Variants in STAT4 observed in about 807,000 individuals in gnomAD.
STAT4 encodes the protein signal transducer and activator of transcription 4.
STAT4 carries 42 observed loss-of-function variants against 110.5 expected under a neutral mutation model. The observed-to-expected ratio is 0.38, with a 90% CI of 0.30 to 0.49. STAT4 has a LOEUF of 0.49. STAT4 is among the 20% of genes least tolerant of loss of function. The probability of loss-of-function intolerance (pLI) is 0.95; values close to 1 mark genes in which losing one functional copy is unlikely to be tolerated. For synonymous variants in STAT4, 284 were observed against 302.2 expected (o/e 0.94, Z 0.63); for missense variants, 632 against 887.9 (o/e 0.71, Z 3.66).
At position 191,146,861 on chromosome 2, in the gene STAT4, G is replaced by A; in HGVS notation, c.129-104C>T. ...CAATAAACCTATTACATGGTGATAAGCATTTAAAAGTTTTAAAAAATTAAA... is the reference window on the plus strand; with the variant it reads ...CAATAAACCTATTACATGGTGATAAACATTTAAAAGTTTTAAAAAATTAAA... On this transcript the variant is annotated intron_variant, in intron 2 of 23. Transcript: ENST00000392320. The surrounding 1 kb of genome is among the most constrained non-coding windows in gnomAD (Gnocchi z 4.5). 1.8e-6 allele frequency: 2 copies of A among 1,106,968 alleles called. No individual in the cohort carries two copies. The highest frequency in any genetic ancestry group is 2.4e-6 in the Non-Finnish European group (2 of 843,216). 68.6% of individuals were successfully genotyped at this position (1,106,968 alleles called of 1,614,324 possible). A position where few individuals can be genotyped will look rare whatever the true frequency, so the allele number is the denominator to read the frequency against.
rs1438742952 is a variant in STAT4, at chr2:191,033,806, T to C, written c.1715+105A>G. 6.0e-6 allele frequency: 8 copies of C among 1,337,334 alleles called. No homozygotes were observed. The highest frequency in any genetic ancestry group is 8.2e-6 in the Non-Finnish European group (8 of 973,968). The allele number at this position is 1,337,334 out of a possible 1,614,324, so 82.8% of individuals were successfully genotyped here. ...GAATAAGAAATTGCAACTATTTTTTTCTGTGGTACTAAACATGCTTAAGAG... is the reference window on the plus strand; with the variant it reads ...GAATAAGAAATTGCAACTATTTTTTCCTGTGGTACTAAACATGCTTAAGAG... On this transcript the variant is annotated intron_variant, in intron 19 of 23. Coordinates refer to ENST00000392320, the MANE Select transcript of STAT4 (RefSeq NM_003151.4). The surrounding 1 kb of genome is among the most constrained non-coding windows in gnomAD (Gnocchi z 6.9).
intron 13 of STAT4, among the ~76,000 whole-genome samples, chr2:191,055,777 A>G (rs1167101754): frequency 6.6e-6 from 1 of 152,242 alleles, no homozygotes; most frequent in East Asian, 1.9e-4. Flanking sequence ...GTTATTTTAT[A>G]TATTGTACCT....
rs141305852 is a variant in STAT4 at position 191,116,215 on chromosome 2, T to G, written c.273+30398A>C. On this transcript the variant is annotated intron_variant, in intron 3 of 23. Transcript: ENST00000392320. The surrounding 1 kb of genome is among the most constrained non-coding windows in gnomAD (Gnocchi z 4.1). ...CACATATGTACCCTTTGTTCACTGATGCTGACAAGAGGGAATTGGTTTGAT... is the reference window on the plus strand; with the variant it reads ...CACATATGTACCCTTTGTTCACTGAGGCTGACAAGAGGGAATTGGTTTGAT... Among the ~76,000 whole-genome samples, 1 of 152,336 alleles carries G rather than the reference T, an allele frequency of 6.6e-6. No individual in the cohort carries two copies. Among genetic ancestry groups the G allele is most frequent in the Non-Finnish European group, 1.5e-5 (1 of 68,024 alleles).
chr2:191,056,574 C>T (rs1696701902), intron 13 of STAT4, among the ~76,000 whole-genome samples: 1 of 151,724 alleles, frequency 6.6e-6, no homozygotes, highest in Non-Finnish European at 1.5e-5. Flanking sequence ...TGTGTGTGTG[C>T]CTTTGTACTT....
At position 191,104,629 on chromosome 2, in the gene STAT4, C is replaced by A. The variant is rs938454869; in HGVS notation, c.274-28304G>T. Among the ~76,000 whole-genome samples the A allele has an allele frequency of 6.6e-6, 1 of 152,108 alleles. No homozygotes were observed. The highest frequency in any genetic ancestry group is 1.5e-5 in the Non-Finnish European group (1 of 68,014). On this transcript the variant is annotated intron_variant, in intron 3 of 23. Coordinates refer to ENST00000392320, the MANE Select transcript of STAT4 (RefSeq NM_003151.4). The surrounding 1 kb of genome is among the most constrained non-coding windows in gnomAD (Gnocchi z 4.3). ...TATATATTAAACAAAGGTCCATAAC[C>A]ACCATACACATCATCATCATTTTAT...
chr2:191,114,809 G>A (rs1204532665), intron 3 of STAT4, among the ~76,000 whole-genome samples: 1 of 152,262 alleles, frequency 6.6e-6, no homozygotes, highest in East Asian at 1.9e-4. Flanking sequence ...CGTTGAAGAG[G>A]ATGGAGTTCT....
intron 13 of STAT4, among the ~76,000 whole-genome samples, chr2:191,055,162 G>C (rs1001106463): frequency 6.6e-6 from 1 of 151,862 alleles, no homozygotes; most frequent in Non-Finnish European, 1.5e-5. Flanking sequence ...GCGTTGCAAA[G>C]TGGTGGAATT....
chr2:191,073,116 G>A lies in STAT4; in HGVS notation c.447C>T (p.Ala149=). 1 of 1,613,944 alleles carries A rather than the reference G, an allele frequency of 6.2e-7. No individual in the cohort carries two copies. The highest frequency in any genetic ancestry group is 8.5e-7 in the Non-Finnish European group (1 of 1,179,912). Residue 149 remains alanine (A), a synonymous_variant, in exon 5 of 24, where the codon GCC becomes GCT. Transcript: ENST00000392320. ...CACTTACCTGCACACTGTTTTTAAT[G>A]GCAGCCACTTTGTGCTCCACATTCC... is the stretch of plus-strand genomic sequence containing the variant. ...RQRNVEHKVA[A]IKNSVQMTEQ... is the part of the protein sequence containing the mutation.
At position 191,118,902 on chromosome 2, in the gene STAT4, G is replaced by A. The variant is rs773806879; in HGVS notation, c.273+27711C>T. Among the ~76,000 whole-genome samples the A allele has an allele frequency of 2.0e-5, 3 of 152,270 alleles. No individual in the cohort carries two copies. In the East Asian group the frequency reaches 5.8e-4, roughly 29 times the overall value. On this transcript the variant is annotated intron_variant, in intron 3 of 23. Coordinates refer to ENST00000392320, the MANE Select transcript of STAT4 (RefSeq NM_003151.4). The stretch of plus-strand genomic sequence containing the variant: ...GCTTCTCACGGAGCTGGAAGTAAAT[G>A]TGCATGCCACCACGCCTGGCTAAGT...
intron 3 of STAT4, among the ~76,000 whole-genome samples, chr2:191,111,852 C>A (rs1038854541): frequency 1.3e-5 from 2 of 152,002 alleles, no homozygotes; most frequent in East Asian, 1.9e-4. Context: ...AGGGAAAGAC[C>A]CTATCTGTTA....
Position 191,148,141 on chromosome 2 carries a change from G to A in STAT4, c.63C>T (p.Phe21=), listed in dbSNP as rs1418758324. The A allele has an allele frequency of 3.1e-6, 5 of 1,613,826 alleles. No individual in the cohort carries two copies. The African/African-American group carries it at 5.3e-5, about 17-fold the overall frequency. ...EIKFLEQVDQ[F]YDDNFPMEIR... ...TTTCCATGGGAAAGTTGTCATCATA[G>A]AATTGATCCACCTGCTCCAAAAACT... is the stretch of plus-strand genomic sequence containing the variant. Residue 21 remains phenylalanine (F), a synonymous_variant, in exon 2 of 24, where the codon TTC becomes TTT. Transcript: ENST00000392320.
rs1472169126 is a variant in STAT4, at chr2:191,117,407, A to C, written c.273+29206T>G. 1.3e-5 allele frequency among the ~76,000 whole-genome samples: 2 copies of C among 152,224 alleles called. No individual in the cohort carries two copies. The highest frequency in any genetic ancestry group is 2.9e-5 in the Non-Finnish European group (2 of 68,036). ...ATTTATTGCATGATTATCTTCCAGA[A>C]CATCCTCGGGCATTTCTTCTTGTCC... On this transcript the variant is annotated intron_variant, in intron 3 of 23. Transcript: ENST00000392320. This position sits in a 1 kb window ranked among gnomAD's most constrained non-coding sequence, Gnocchi z 5.2.
At position 191,058,498 on chromosome 2, in the gene STAT4, T is replaced by C. The variant is rs908958410; in HGVS notation, c.1094+212A>G. On this transcript the variant is annotated intron_variant, in intron 11 of 23. Coordinates refer to ENST00000392320, the MANE Select transcript of STAT4 (RefSeq NM_003151.4). The surrounding 1 kb of genome is among the most constrained non-coding windows in gnomAD (Gnocchi z 4.3). ...TTTAAAGGATAGTATATAAAATTGA[T>C]TTCAAGTTTTTATAGTAAAATTTTA... is the stretch of plus-strand genomic sequence containing the variant. Among the ~76,000 whole-genome samples, 7 of 152,208 alleles carry C rather than the reference T, an allele frequency of 4.6e-5. No individual in the cohort carries two copies. Among genetic ancestry groups the C allele is most frequent in the African/African-American group, 1.7e-4 (7 of 41,448 alleles).
At chr2:191,106,677 TAAA>T (rs1280949847) in intron 3 of STAT4, among the ~76,000 whole-genome samples, 8 of 149,708 alleles carry the variant, frequency 5.3e-5, no homozygotes, top group African/African-American at 1.5e-4. Flanking sequence ...TAAAATAAAA[TAAA>T]ATAAAATAAA....
In STAT4 at chr2:191,087,475, A is replaced by C. The variant is rs532860585; in HGVS notation, c.274-11150T>G. Among the ~76,000 whole-genome samples the C allele has an allele frequency of 1.8e-4, 28 of 152,232 alleles. 1 individual carries two copies. In the South Asian group the frequency reaches 5.6e-3, roughly 30 times the overall value. ...TGGGAAAAATTTGCATCTGTAGAGA[A>C]TCTCCATTAATGCAACCACGCTCCC... On this transcript the variant is annotated intron_variant, in intron 3 of 23. Transcript: ENST00000392320.
intron 3 of STAT4, among the ~76,000 whole-genome samples, chr2:191,141,724 G>A (rs955767733): frequency 6.6e-5 from 10 of 151,548 alleles, no homozygotes; most frequent in African/African-American, 2.2e-4. Context: ...TCCATCTCCC[G>A]GGTTCAAGGG....
Position 191,032,988 on chromosome 2 carries a change from C to T in STAT4, c.2014G>A (p.Gly672Ser), listed in dbSNP as rs762343259. 2.1e-5 allele frequency: 34 copies of T among 1,613,868 alleles called. No homozygotes were observed. The East Asian group carries it at 4.0e-4, about 19-fold the overall frequency. The stretch of plus-strand genomic sequence containing the variant: ...CAAGGCTGAGAGCTGTAGTGTTTAC[C>T]GAAGGCTTTGTCTTTGGGAATGTCA... ...YPDIPKDKAFGKHYSSQPCEV... is the reference protein window; with the variant it reads ...YPDIPKDKAFSKHYSSQPCEV... The change falls in exon 21 of 24, where the codon GGT becomes AGT. Residue 672 changes from glycine to serine, a missense_variant. By Grantham distance (56) the Gly-to-Ser change is moderately conservative. Transcript: ENST00000392320. The surrounding 1 kb of genome is among the most constrained non-coding windows in gnomAD (Gnocchi z 4.9).
At chr2:191,133,295 C>T (rs1312617318) in intron 3 of STAT4, among the ~76,000 whole-genome samples, 1 of 151,306 alleles carries the variant, frequency 6.6e-6, no homozygotes, top group Non-Finnish European at 1.5e-5. Context: ...GCACACTGTC[C>T]AGGCACTGGG....
At position 191,031,280 on chromosome 2, in the gene STAT4, C is replaced by G; in HGVS notation, c.2111+170G>C. 1 of 900,148 alleles carries G rather than the reference C, an allele frequency of 1.1e-6. No homozygotes were observed. The highest frequency in any genetic ancestry group is 1.7e-5 in the African/African-American group (1 of 59,112). The allele number at this position is 900,148 out of a possible 1,614,324, so 55.8% of individuals were successfully genotyped here. ...AAGGGGAATTTTATAATTTTAGGCA[C>G]AATAGATTGTGGTAAGTGTGCCCTG... On this transcript the variant is annotated intron_variant, in intron 22 of 23. Transcript: ENST00000392320. This position sits in a 1 kb window ranked among gnomAD's most constrained non-coding sequence, Gnocchi z 4.8.
Sources: allele counts gnomAD v4.1 joint callset (sites outside exome capture counted in the v4.1 genomes callset), GRCh38; gene constraint gnomAD v4.1.1; non-coding constraint Gnocchi (gnomAD v3.1); transcripts MANE v1.5; gene names NCBI Gene and HGNC (gene_info 2026-07-23, HGNC 2026-07-21).